Variants in PLCB1 observed in about 807,000 individuals in gnomAD.
PLCB1 encodes phospholipase C beta 1, also known as 1-phosphatidylinositol 4,5-bisphosphate phosphodiesterase beta-1.
In PLCB1, 46 loss-of-function variants were observed where a neutral mutation model predicts 161.8. The ratio of observed to expected loss-of-function variants is 0.28; its 90% CI spans 0.22 to 0.36. The LOEUF is 0.36. Ranked by LOEUF, PLCB1 falls within the 10% of genes least tolerant of loss-of-function variation. The pLI is 1.00. For synonymous variants in PLCB1, 517 were observed against 503.7 expected (o/e 1.03, Z -0.35); for missense variants, 1,016 against 1,472.5 (o/e 0.69, Z 5.07).
Position 8,436,536 on chromosome 20 carries a change from TC to T in PLCB1, c.246+65087del, listed in dbSNP as rs1294010724. On this transcript the variant is annotated intron_variant, in intron 3 of 31. Transcript: ENST00000338037. Reference sequence around the variant, plus strand: ...TAAAAAATCTGTTAACACCAAACTCTCTTTTTTCTCTTTTCCTCTTTTTTTT... The same window carrying T: ...TAAAAAATCTGTTAACACCAAACTCTTTTTTTCTCTTTTCCTCTTTTTTTT... 1.1e-3 allele frequency among the ~76,000 whole-genome samples: 164 copies of T among 152,230 alleles called. 1 individual carries two copies. Among genetic ancestry groups the T allele is most frequent in the African/African-American group, 3.9e-3 (160 of 41,558 alleles).
At chr20:8,588,820 T>C (rs1264328778) in intron 3 of PLCB1, among the ~76,000 whole-genome samples, 1 of 152,220 alleles carries the variant, frequency 6.6e-6, no homozygotes, top group Admixed American at 6.5e-5. Context: ...TGTAGCTGAT[T>C]TCATGAACTT....
chr20:8,314,593 AG>A (rs1334117731), intron 2 of PLCB1, among the ~76,000 whole-genome samples: 2 of 152,220 alleles, frequency 1.3e-5, no homozygotes, highest in Non-Finnish European at 2.9e-5. Context: ...GCACCAAATG[AG>A]GGTTGTTTTG....
At chr20:8,317,647 T>C (rs954346808) in intron 2 of PLCB1, among the ~76,000 whole-genome samples, 1 of 152,114 alleles carries the variant, frequency 6.6e-6, no homozygotes, top group Non-Finnish European at 1.5e-5. Flanking sequence ...TTGACCAGAA[T>C]TGACCTGTGA....
chr20:8,532,530 G>T (rs1332018764), intron 3 of PLCB1, among the ~76,000 whole-genome samples: 1 of 152,146 alleles, frequency 6.6e-6, no homozygotes, highest in Admixed American at 6.5e-5. Flanking sequence ...TTTCATTAAG[G>T]ACATTTCCAG....
At chr20:8,835,594 G>A (rs908490328) in intron 31 of PLCB1, among the ~76,000 whole-genome samples, 6 of 152,036 alleles carry the variant, frequency 3.9e-5, no homozygotes, top group African/African-American at 1.4e-4. Flanking sequence ...CCTGAGTATT[G>A]TGGTTCGAAT....
At chr20:8,529,632 G>C (rs1042471181) in intron 3 of PLCB1, among the ~76,000 whole-genome samples, 1 of 95,886 alleles carries the variant, frequency 1.0e-5, no homozygotes, top group Non-Finnish European at 2.0e-5. Context: ...TATTTTCTCA[G>C]TAGTTAATAT....
chr20:8,439,320 A>G (rs1006718071), intron 3 of PLCB1, among the ~76,000 whole-genome samples: 3 of 152,022 alleles, frequency 2.0e-5, no homozygotes, highest in Non-Finnish European at 4.4e-5. Context: ...TCAGGAATAT[A>G]CTCTTTATTG....
chr20:8,379,599 C>T (rs1987200536), intron 3 of PLCB1, among the ~76,000 whole-genome samples: 1 of 152,188 alleles, frequency 6.6e-6, no homozygotes, highest in Non-Finnish European at 1.5e-5. Context: ...TTCTCCACAG[C>T]CTCACCAGCA....
At chr20:8,151,035 G>T (rs2051503266) in intron 2 of PLCB1, among the ~76,000 whole-genome samples, 1 of 152,156 alleles carries the variant, frequency 6.6e-6, no homozygotes, top group Admixed American at 6.5e-5. Flanking sequence ...AGTTTAATGG[G>T]CAGTTAGATG....
intron 31 of PLCB1, chr20:8,802,447 C>G: frequency 2.7e-6 from 1 of 376,926 alleles, no homozygotes; most frequent in Non-Finnish European, 4.7e-6. Context: ...TTTTGTTTCT[C>G]TATTGGCAAA....
At chr20:8,661,309 C>T (rs1462769230) in intron 9 of PLCB1, among the ~76,000 whole-genome samples, 1 of 152,088 alleles carries the variant, frequency 6.6e-6, no homozygotes, top group Non-Finnish European at 1.5e-5. Flanking sequence ...AGAATATTGC[C>T]TAGTGGTCTC....
intron 3 of PLCB1, among the ~76,000 whole-genome samples, chr20:8,618,192 A>G (rs1310096950): frequency 6.6e-6 from 1 of 152,218 alleles, no homozygotes. Flanking sequence ...AAAATGTGAA[A>G]AAAGTGAACG....
intron 3 of PLCB1, among the ~76,000 whole-genome samples, chr20:8,556,762 A>G (rs1265146234): frequency 1.3e-5 from 2 of 151,786 alleles, no homozygotes; most frequent in African/African-American, 2.4e-5. Flanking sequence ...CTAACAAAAT[A>G]GAGACTTCAG....
At chr20:8,833,593 G>A (rs987069926) in intron 31 of PLCB1, among the ~76,000 whole-genome samples, 1 of 152,144 alleles carries the variant, frequency 6.6e-6, no homozygotes, top group African/African-American at 2.4e-5. Flanking sequence ...GATTGGAGTG[G>A]TGCAGGCTCA....
intron 2 of PLCB1, among the ~76,000 whole-genome samples, chr20:8,279,732 G>A (rs2123281819): frequency 6.6e-6 from 1 of 152,282 alleles, no homozygotes; most frequent in East Asian, 1.9e-4. Flanking sequence ...ATATAATGTT[G>A]AGTGAAGAAA....
In PLCB1 at chr20:8,674,594, T is replaced by TA. The variant is rs567086845; in HGVS notation, c.863-10337dup. 6.2e-3 allele frequency among the ~76,000 whole-genome samples: 945 copies of TA among 152,266 alleles called. 10 individuals are homozygous for TA. Among genetic ancestry groups the TA allele is most frequent in the African/African-American group, 0.022 (901 of 41,556 alleles). On this transcript the variant is annotated intron_variant, in intron 9 of 31. Coordinates refer to ENST00000338037, the MANE Select transcript of PLCB1 (RefSeq NM_015192.4). ...TCTCTAAGGCTCAGGCCCATCTACT[T>TA]AGACACTTCTGCTTCAATAGGTTCT... is the stretch of plus-strand genomic sequence containing the variant.
rs1416134006 is a variant in PLCB1 at position 8,600,252 on chromosome 20, T to C, written c.247-28042T>C. On this transcript the variant is annotated intron_variant, in intron 3 of 31. Transcript: ENST00000338037. The stretch of plus-strand genomic sequence containing the variant: ...GGTTTTATCTACTTTTGGTCTTTGA[T>C]GATGGTGATGTACAGATGGGTTTTT... Among the ~76,000 whole-genome samples the C allele has an allele frequency of 2.9e-3, 361 of 123,192 alleles. 1 individual carries two copies. The highest frequency in any genetic ancestry group is 5.1e-3 in the Non-Finnish European group (298 of 57,908). The allele number at this position is 123,192 out of a possible 152,430, so 80.8% of individuals were successfully genotyped here. A position where few individuals can be genotyped will look rare whatever the true frequency, so the allele number is the denominator to read the frequency against.
intron 2 of PLCB1, among the ~76,000 whole-genome samples, chr20:8,233,204 A>G (rs1488348185): frequency 6.6e-6 from 1 of 150,774 alleles, no homozygotes; most frequent in Non-Finnish European, 1.5e-5. Context: ...GCTCTGGGAT[A>G]GCTCCAGTGG....
intron 3 of PLCB1, among the ~76,000 whole-genome samples, chr20:8,410,056 TG>T (rs971088128): frequency 2.6e-5 from 4 of 152,210 alleles, no homozygotes; most frequent in African/African-American, 9.6e-5. Context: ...AAATTCACAC[TG>T]TGTATGCTTT....
Sources: allele counts gnomAD v4.1 joint callset (sites outside exome capture counted in the v4.1 genomes callset), GRCh38; gene constraint gnomAD v4.1.1; transcripts MANE v1.5; gene names NCBI Gene and HGNC (gene_info 2026-07-23, HGNC 2026-07-21).